KDM4B: variants seen among roughly 807,000 people sequenced by gnomAD.
The protein encoded by KDM4B is lysine demethylase 4B.
A neutral mutation model predicts 125.2 loss-of-function variants in KDM4B; 32 were observed. That is an observed-to-expected ratio of 0.26 (90% CI 0.19 to 0.34). The LOEUF is 0.34. Ranked by LOEUF, KDM4B falls within the 10% of genes least tolerant of loss-of-function variation. KDM4B has a pLI of 1.00. For missense variants in KDM4B, 1,190 were observed against 1,577.7 expected, an observed-to-expected ratio of 0.75 and a Z score of 4.16; for synonymous variants, 721 against 677.9, an observed-to-expected ratio of 1.06 and a Z score of -0.99.
In KDM4B at chr19:5,114,918, T is replaced by G. The variant is rs1415903684; in HGVS notation, c.1115+4100T>G. 1.3e-5 allele frequency among the ~76,000 whole-genome samples: 2 copies of G among 152,240 alleles called. No individual in the cohort carries two copies. The highest frequency in any genetic ancestry group is 3.9e-4 in the East Asian group (2 of 5,192). On this transcript the variant is annotated intron_variant, in intron 10 of 22. Transcript: ENST00000159111. This position sits in a 1 kb window ranked among gnomAD's most constrained non-coding sequence, Gnocchi z 5.8. ...AGTTATCTGGACTATGTCCCGACAT[T>G]TGGCTCATAGGAATGAGCCCAGCGG...
chr19:5,004,161 G>T (rs1286522034), intron 1 of KDM4B, among the ~76,000 whole-genome samples: 1 of 152,156 alleles, frequency 6.6e-6, no homozygotes, highest in Non-Finnish European at 1.5e-5. Flanking sequence ...GGGTGTGCTG[G>T]CAGAGACTTA....
At chr19:5,042,117 A>G (rs1196708344) in intron 5 of KDM4B, among the ~76,000 whole-genome samples, 2 of 152,100 alleles carry the variant, frequency 1.3e-5, no homozygotes, top group Non-Finnish European at 2.9e-5. Flanking sequence ...CGAATTTGAG[A>G]TTTTCTTTTT....
intron 1 of KDM4B, among the ~76,000 whole-genome samples, chr19:5,007,542 CTTTTTT>C (rs10536135): frequency 5.0e-5 from 5 of 100,758 alleles, no homozygotes; most frequent in Admixed American, 4.6e-4. Context: ...TTCTCTCTCT[CTTTTTT>C]TTTTTTTTTT....
chr19:4,983,807 C>T (rs981670354), intron 1 of KDM4B, among the ~76,000 whole-genome samples: 7 of 152,132 alleles, frequency 4.6e-5, no homozygotes, highest in African/African-American at 1.7e-4. Flanking sequence ...GGCAGGATTG[C>T]GGGAGGATTC....
chr19:5,121,745 T>C lies in KDM4B; in HGVS notation c.1315+1893T>C, dbSNP rs146815632. On this transcript the variant is annotated intron_variant, in intron 11 of 22. Coordinates refer to ENST00000159111, the MANE Select transcript of KDM4B (RefSeq NM_015015.3). ...TTAGGAGAGCTCTTAAGCGGACAAC[T>C]AACGGCTTCCCCCACATTCTCTGCA... Among the ~76,000 whole-genome samples the C allele has an allele frequency of 3.0e-4, 46 of 152,250 alleles. No homozygotes were observed. The East Asian group carries it at 7.5e-3, about 25-fold the overall frequency.
intron 11 of KDM4B, among the ~76,000 whole-genome samples, chr19:5,123,436 T>C (rs1237108948): frequency 6.6e-6 from 1 of 152,126 alleles, no homozygotes; most frequent in African/African-American, 2.4e-5. Flanking sequence ...GATTCCCCCC[T>C]TCCTAAGGAC....
At chr19:5,146,957 A>AAC (rs1555722993) in intron 21 of KDM4B, among the ~76,000 whole-genome samples, 3 of 150,618 alleles carry the variant, frequency 2.0e-5, no homozygotes, top group East Asian at 1.9e-4. Flanking sequence ...AAAAAAAAAA[A>AAC]AAAAACAAAA....
intron 8 of KDM4B, among the ~76,000 whole-genome samples, chr19:5,079,894 C>T (rs917090802): frequency 3.9e-5 from 6 of 152,084 alleles, no homozygotes; most frequent in African/African-American, 1.2e-4. Flanking sequence ...TTAAAAAGCC[C>T]CAAACCTTAA....
At chr19:5,038,466 C>T (rs1220679809) in intron 3 of KDM4B, among the ~76,000 whole-genome samples, 1 of 152,228 alleles carries the variant, frequency 6.6e-6, no homozygotes, top group Non-Finnish European at 1.5e-5. Context: ...CTGTCCTTTC[C>T]TTGGGACCAG....
chr19:5,081,210 C>T lies in KDM4B; in HGVS notation c.781-1157C>T, dbSNP rs997334546. ...TTCAAGGATTCTAGTTCATGAGCCT[C>T]AGTTTCCACGTCTGTGGATTGGGCC... On this transcript the variant is annotated intron_variant, in intron 8 of 22. Transcript: ENST00000159111. This position sits in a 1 kb window ranked among gnomAD's most constrained non-coding sequence, Gnocchi z 4.2. Among the ~76,000 whole-genome samples, 4 of 152,222 alleles carry T rather than the reference C, an allele frequency of 2.6e-5. No individual in the cohort carries two copies. The highest frequency in any genetic ancestry group is 9.7e-5 in the African/African-American group (4 of 41,450).
chr19:5,057,031 T>TGC (rs1423008308), intron 6 of KDM4B, among the ~76,000 whole-genome samples: 7 of 51,904 alleles, frequency 1.3e-4, no homozygotes, highest in Admixed American at 5.3e-4. Flanking sequence ...TATATATGCG[T>TGC]GTGTGTGTGT....
At chr19:4,973,515 C>T (rs1028378873) in intron 1 of KDM4B, among the ~76,000 whole-genome samples, 3 of 152,080 alleles carry the variant, frequency 2.0e-5, no homozygotes, top group African/African-American at 7.2e-5. Context: ...TACTAATTCG[C>T]GTTCAAATGA....
intron 1 of KDM4B, among the ~76,000 whole-genome samples, chr19:4,982,723 C>T (rs1451880764): frequency 1.3e-5 from 2 of 151,986 alleles, no homozygotes; most frequent in African/African-American, 4.8e-5. Flanking sequence ...AGCGATTCTC[C>T]TGTCTCAGCC....
chr19:5,101,520 A>G (rs1212936111), intron 9 of KDM4B, among the ~76,000 whole-genome samples: 1 of 151,384 alleles, frequency 6.6e-6, no homozygotes. Flanking sequence ...GCAATAGAGT[A>G]AGACTGTCTG....
At chr19:5,090,151 C>T (rs1200469759) in intron 9 of KDM4B, among the ~76,000 whole-genome samples, 2 of 152,268 alleles carry the variant, frequency 1.3e-5, no homozygotes, top group Admixed American at 6.5e-5. Context: ...TTGCTGAGCG[C>T]CTGCCGTGTG....
rs2146055310 is a variant in KDM4B, at chr19:5,131,245, A to G, written c.1485A>G (p.Ala495=). ...CCCCGGTGCTGGGCCCAGGCCCTGC[A>G]GCCATGGAGGAGAGCCCCCTGCCGG... The part of the protein sequence containing the change: ...LEPPVLGPGP[A]AMEESPLPAP... The change falls in exon 12 of 23, where the codon GCA becomes GCG. Residue 495 remains alanine, a synonymous_variant. Transcript: ENST00000159111. 2 of 1,608,946 alleles carry G rather than the reference A, an allele frequency of 1.2e-6. No individual in the cohort carries two copies. The highest frequency in any genetic ancestry group is 1.7e-6 in the Non-Finnish European group (2 of 1,178,094).
intron 1 of KDM4B, among the ~76,000 whole-genome samples, chr19:5,013,369 C>T (rs1420916375): frequency 6.6e-6 from 1 of 152,160 alleles, no homozygotes; most frequent in African/African-American, 2.4e-5. Flanking sequence ...AGTGGACAGG[C>T]CCTTGTCTCC....
chr19:5,025,140 T>C (rs2036238739), intron 2 of KDM4B, among the ~76,000 whole-genome samples: 1 of 152,202 alleles, frequency 6.6e-6, no homozygotes, highest in Non-Finnish European at 1.5e-5. Context: ...GTTAAGCGGC[T>C]TTCATGGTAA....
chr19:5,127,616 C>T (rs2039471360), intron 11 of KDM4B, among the ~76,000 whole-genome samples: 1 of 152,198 alleles, frequency 6.6e-6, no homozygotes, highest in Non-Finnish European at 1.5e-5. Flanking sequence ...AATTATGTCC[C>T]ACTTTGTCTC....
Sources: allele counts gnomAD v4.1 joint callset (sites outside exome capture counted in the v4.1 genomes callset), GRCh38; gene constraint gnomAD v4.1.1; non-coding constraint Gnocchi (gnomAD v3.1); transcripts MANE v1.5; gene names NCBI Gene and HGNC (gene_info 2026-07-23, HGNC 2026-07-21).